The following AFG2A variants were observed in gnomAD, a reference collection of about 807,000 sequenced individuals.
AFG2A encodes the protein ATPase family gene 2 protein homolog A.
the AFG2A span, among the ~76,000 whole-genome samples, chr4:123,184,992 T>C: frequency 6.6e-6 from 1 of 152,220 alleles, no homozygotes; most frequent in Non-Finnish European, 1.5e-5. Flanking sequence ...GGCCAAATTA[T>C]GCTTCATTTG....
At chr4:123,094,428 T>C in the AFG2A span, among the ~76,000 whole-genome samples, 1 of 152,136 alleles carries the variant, frequency 6.6e-6, no homozygotes, top group African/African-American at 2.4e-5. Context: ...TTAAACATTT[T>C]AGGCCAGAGA....
At chr4:123,282,043 T>C in the AFG2A span, among the ~76,000 whole-genome samples, 1 of 152,120 alleles carries the variant, frequency 6.6e-6, no homozygotes, top group Admixed American at 6.5e-5. Context: ...AATGTAACAA[T>C]GTAGGTTCAT....
the AFG2A span, among the ~76,000 whole-genome samples, chr4:123,079,001 A>T: frequency 6.6e-6 from 1 of 152,044 alleles, no homozygotes; most frequent in Admixed American, 6.6e-5. Flanking sequence ...GCATTGTTTG[A>T]GAAGTTATGT....
At chr4:123,243,894 C>T in the AFG2A span, among the ~76,000 whole-genome samples, 3 of 151,962 alleles carry the variant, frequency 2.0e-5, no homozygotes, top group Non-Finnish European at 4.4e-5. Context: ...TGGTAGCACA[C>T]ACCTGTGGTC....
the AFG2A span, among the ~76,000 whole-genome samples, chr4:123,016,530 T>C: frequency 4.8e-5 from 7 of 146,882 alleles, no homozygotes; most frequent in African/African-American, 1.8e-4. Context: ...GATGGGCGGC[T>C]GGGCAGAGAC....
chr4:123,071,152 G>A, the AFG2A span, among the ~76,000 whole-genome samples: 3 of 152,176 alleles, frequency 2.0e-5, no homozygotes, highest in African/African-American at 7.2e-5. Flanking sequence ...AATTGCTTTT[G>A]TCAGGTGGTA....
chr4:123,162,902 T>C, the AFG2A span, among the ~76,000 whole-genome samples: 2 of 152,226 alleles, frequency 1.3e-5, no homozygotes, highest in South Asian at 2.1e-4. Flanking sequence ...TTAATAATAA[T>C]GTTTATGTAG....
the AFG2A span, among the ~76,000 whole-genome samples, chr4:123,045,523 A>G: frequency 6.6e-6 from 1 of 152,140 alleles, no homozygotes; most frequent in Non-Finnish European, 1.5e-5. Flanking sequence ...TACTTTAGTG[A>G]CCTTGACATT....
the AFG2A span, among the ~76,000 whole-genome samples, chr4:123,309,913 G>A: frequency 2.6e-5 from 4 of 152,154 alleles, no homozygotes; most frequent in South Asian, 2.1e-4. Context: ...ATTTCTTAAC[G>A]GAAATGCTGG....
At chr4:123,203,677 T>G in the AFG2A span, among the ~76,000 whole-genome samples, 1 of 152,262 alleles carries the variant, frequency 6.6e-6, no homozygotes, top group African/African-American at 2.4e-5. Flanking sequence ...TTTCCAGTTT[T>G]GGACTATTAT....
the AFG2A span, among the ~76,000 whole-genome samples, chr4:123,268,816 G>A: frequency 4.9e-4 from 74 of 152,310 alleles, no homozygotes; most frequent in African/African-American, 1.6e-3. Context: ...GAAGCAGGTC[G>A]TTCAGCACAT....
the AFG2A span, among the ~76,000 whole-genome samples, chr4:123,226,499 T>A: frequency 0.043 from 6,582 of 152,298 alleles, 478 homozygotes; most frequent in African/African-American, 0.15. Context: ...TCTGTTTATA[T>A]GCTGGATTAC....
chr4:123,274,396 C>T, the AFG2A span, among the ~76,000 whole-genome samples: 2 of 150,956 alleles, frequency 1.3e-5, no homozygotes, highest in East Asian at 1.9e-4. Flanking sequence ...AGAAATAGTA[C>T]ATGTTCTTTT....
At chr4:122,970,833 TA>T in the AFG2A span, among the ~76,000 whole-genome samples, 4 of 149,344 alleles carry the variant, frequency 2.7e-5, no homozygotes, top group South Asian at 2.1e-4. Flanking sequence ...CTAGAAGAAG[TA>T]AAAAAAAATT....
At chr4:123,017,730 G>A in the AFG2A span, among the ~76,000 whole-genome samples, 1 of 151,978 alleles carries the variant, frequency 6.6e-6, no homozygotes, top group African/African-American at 2.4e-5. Context: ...ATTTGGAACA[G>A]GTGCCAGCCC....
chr4:123,264,281 T>G, the AFG2A span, among the ~76,000 whole-genome samples: 1 of 152,090 alleles, frequency 6.6e-6, no homozygotes, highest in Non-Finnish European at 1.5e-5. Flanking sequence ...GGGTGATGAG[T>G]GCACCAAAAT....
At chr4:122,964,063 A>G in the AFG2A span, among the ~76,000 whole-genome samples, 1 of 152,142 alleles carries the variant, frequency 6.6e-6, no homozygotes, top group Non-Finnish European at 1.5e-5. Flanking sequence ...CAAAAACAAA[A>G]CTCAGTATTT....
chr4:123,170,095 T>C, the AFG2A span, among the ~76,000 whole-genome samples: 1 of 152,208 alleles, frequency 6.6e-6, no homozygotes, highest in Non-Finnish European at 1.5e-5. Flanking sequence ...TCCCATCATC[T>C]AATTATAATG....
chr4:123,274,483 C>T, the AFG2A span, among the ~76,000 whole-genome samples: 2 of 151,130 alleles, frequency 1.3e-5, no homozygotes, highest in Non-Finnish European at 2.9e-5. Flanking sequence ...GATAAAGAGA[C>T]CTAGTTACTT....
Sources: allele counts gnomAD v4.1 joint callset (sites outside exome capture counted in the v4.1 genomes callset), GRCh38; gene constraint gnomAD v4.1.1; transcripts MANE v1.5; gene names NCBI Gene and HGNC (gene_info 2026-07-23, HGNC 2026-07-21).